The following NPAS3 variants were observed in gnomAD, a reference collection of about 807,000 sequenced individuals.
NPAS3 encodes neuronal PAS domain protein 3, also known as neuronal PAS domain-containing protein 3.
Under a neutral mutation model 73.1 loss-of-function variants are expected in NPAS3, and 14 were observed. The observed-to-expected ratio is 0.19, with a 90% CI of 0.13 to 0.30. The LOEUF (loss-of-function observed/expected upper bound fraction) is 0.30. Ranked by LOEUF, NPAS3 falls within the 10% of genes least tolerant of loss-of-function variation. The pLI, the probability that NPAS3 is intolerant of heterozygous loss-of-function variation, is 1.00. For missense variants in NPAS3, 1,096 were observed against 1,250.0 expected (o/e 0.88, Z 1.86); for synonymous variants, 620 against 541.5 (o/e 1.14, Z -2.01).
chr14:33,614,415 T>A (rs1297015607), intron 5 of NPAS3, among the ~76,000 whole-genome samples: 1 of 151,840 alleles, frequency 6.6e-6, no homozygotes, highest in African/African-American at 2.4e-5. Flanking sequence ...GAGATGAGCA[T>A]CCTCAGTACT....
chr14:33,235,223 T>G (rs938862126), intron 3 of NPAS3, among the ~76,000 whole-genome samples: 1 of 152,164 alleles, frequency 6.6e-6, no homozygotes, highest in African/African-American at 2.4e-5. Context: ...TGTGTAAATG[T>G]GTTAAAGAGA....
At chr14:33,735,699 T>C (rs1337504400) in intron 7 of NPAS3, among the ~76,000 whole-genome samples, 2 of 151,984 alleles carry the variant, frequency 1.3e-5, no homozygotes, top group South Asian at 2.1e-4. Context: ...CTTCTCTCGC[T>C]TTCCCCTTCA....
chr14:33,559,745 G>A (rs543894261), intron 4 of NPAS3, among the ~76,000 whole-genome samples: 21 of 152,314 alleles, frequency 1.4e-4, no homozygotes, highest in Admixed American at 3.3e-4. Flanking sequence ...GTGGCCGGGC[G>A]CGGTGGCTTA....
chr14:33,341,897 G>T (rs1317666813), intron 3 of NPAS3, among the ~76,000 whole-genome samples: 2 of 152,116 alleles, frequency 1.3e-5, no homozygotes, highest in Non-Finnish European at 2.9e-5. Context: ...TCTAAGTAAG[G>T]TTCTCTTAAG....
chr14:33,762,133 A>G (rs958974930), intron 7 of NPAS3, among the ~76,000 whole-genome samples: 1 of 152,254 alleles, frequency 6.6e-6, no homozygotes, highest in Non-Finnish European at 1.5e-5. Context: ...CGAATTGATA[A>G]TTCTAATTTC....
intron 4 of NPAS3, among the ~76,000 whole-genome samples, chr14:33,460,104 T>G (rs1180655244): frequency 6.6e-6 from 1 of 152,218 alleles, no homozygotes; most frequent in Non-Finnish European, 1.5e-5. Flanking sequence ...CAAGGACTAT[T>G]ACAAGAGTAC....
intron 6 of NPAS3, among the ~76,000 whole-genome samples, chr14:33,732,741 C>T (rs954234341): frequency 2.6e-5 from 4 of 152,130 alleles, no homozygotes; most frequent in Admixed American, 2.0e-4. Flanking sequence ...CCGCTTACAC[C>T]GGTTGTCCTG....
chr14:33,650,823 TCTCGTGGTGAGCCC>T (rs1168328672), intron 5 of NPAS3, among the ~76,000 whole-genome samples: 1 of 152,148 alleles, frequency 6.6e-6, no homozygotes, highest in Non-Finnish European at 1.5e-5. Flanking sequence ...GCAGCCTATC[TCTCGTGGTGAGCCC>T]CTCAAAGGAC....
At chr14:33,326,904 A>T (rs1594699308) in intron 3 of NPAS3, among the ~76,000 whole-genome samples, 1 of 152,154 alleles carries the variant, frequency 6.6e-6, no homozygotes, top group Admixed American at 6.5e-5. Flanking sequence ...AATAGTGGGG[A>T]TGTATGTGCA....
At chr14:33,163,959 A>C (rs2045021596) in intron 2 of NPAS3, among the ~76,000 whole-genome samples, 1 of 152,218 alleles carries the variant, frequency 6.6e-6, no homozygotes, top group Non-Finnish European at 1.5e-5. Context: ...CTCTGATTGA[A>C]TTGACTGATT....
At position 33,308,741 on chromosome 14, in the gene NPAS3, A is replaced by G. The variant is rs369287478; in HGVS notation, c.386-58445A>G. On this transcript the variant is annotated intron_variant, in intron 3 of 11. Transcript: ENST00000356141. ...TCTTTCATCTGTTTGCATTTCATTA[A>G]AATAACCACAAATAACTGTTCACCA... Among the ~76,000 whole-genome samples, 29 of 152,086 alleles carry G rather than the reference A, an allele frequency of 1.9e-4. No individual in the cohort carries two copies. In the East Asian group the frequency reaches 5.4e-3, roughly 28 times the overall value.
intron 4 of NPAS3, among the ~76,000 whole-genome samples, chr14:33,373,788 C>A (rs1052102601): frequency 1.3e-5 from 2 of 152,032 alleles, no homozygotes; most frequent in African/African-American, 4.8e-5. Context: ...AACATTCAAA[C>A]CCAAACCTGA....
intron 9 of NPAS3, among the ~76,000 whole-genome samples, chr14:33,781,485 C>A (rs1305427116): frequency 6.6e-6 from 1 of 152,214 alleles, no homozygotes; most frequent in African/African-American, 2.4e-5. Context: ...GCCAGCACAG[C>A]ATCTTGCTTT....
chr14:33,134,013 A>T (rs1474025121), intron 2 of NPAS3, among the ~76,000 whole-genome samples: 2 of 152,342 alleles, frequency 1.3e-5, no homozygotes, highest in Non-Finnish European at 2.9e-5. Flanking sequence ...AGCACATGGT[A>T]AAGTTCGCTT....
At chr14:33,140,107 A>G (rs899714492) in intron 2 of NPAS3, among the ~76,000 whole-genome samples, 4 of 152,138 alleles carry the variant, frequency 2.6e-5, no homozygotes, top group Admixed American at 2.6e-4. Context: ...GATGAAGTGT[A>G]CTTTCACCAC....
chr14:33,515,906 T>C lies in NPAS3; in HGVS notation c.469-44215T>C, dbSNP rs548051929. ...GACTGGTATAGCATGTTAAGAACAT[T>C]ATTGTTTAGTAACCGACATGGATGC... is the stretch of plus-strand genomic sequence containing the variant. On this transcript the variant is annotated intron_variant, in intron 4 of 11. Coordinates refer to ENST00000356141, the Ensembl canonical transcript of NPAS3. Among the ~76,000 whole-genome samples, 23 of 152,252 alleles carry C rather than the reference T, an allele frequency of 1.5e-4. No homozygotes were observed. The South Asian group carries it at 4.8e-3, about 32-fold the overall frequency.
At chr14:33,439,929 C>A (rs111675760) in intron 4 of NPAS3, among the ~76,000 whole-genome samples, 10,286 of 152,124 alleles carry the variant, frequency 0.068, 467 homozygotes, top group Admixed American at 0.13. Flanking sequence ...TCCTGGCTAA[C>A]AGGGTGAAAC....
chr14:32,959,182 T>G (rs1188255545), intron 1 of NPAS3, among the ~76,000 whole-genome samples: 2 of 152,230 alleles, frequency 1.3e-5, no homozygotes, highest in Non-Finnish European at 2.9e-5. Flanking sequence ...GACACACTAT[T>G]TGCTTATTTT....
At chr14:33,356,006 G>A (rs2045322204) in intron 3 of NPAS3, among the ~76,000 whole-genome samples, 1 of 152,328 alleles carries the variant, frequency 6.6e-6, no homozygotes. Context: ...TCCATGGCCT[G>A]GCACTTAGTA....
Sources: gnomAD v4.1 joint callset for allele counts (sites outside exome capture counted in the v4.1 genomes callset) on GRCh38, gnomAD v4.1.1 for gene constraint, MANE v1.5 for transcripts, NCBI Gene and HGNC (gene_info 2026-07-23, HGNC 2026-07-21) for gene names.